The following C19orf67 variants were observed in gnomAD, a reference collection of about 807,000 sequenced individuals.
The protein encoded by C19orf67 is chromosome 19 open reading frame 67, also known as UPF0575 protein C19orf67.
Under a neutral mutation model 41.4 loss-of-function variants are expected in C19orf67, and 28 were observed. That is an observed-to-expected ratio of 0.68 (90% CI 0.50 to 0.93). C19orf67 has a LOEUF of 0.93. Among genes scored for constraint, C19orf67 ranks in the 40% least tolerant of loss-of-function variants. C19orf67 has a pLI of 0.00. For synonymous variants in C19orf67, 242 were observed against 203.4 expected, an observed-to-expected ratio of 1.19 and a Z score of -1.62; for missense variants, 421 against 467.0, an observed-to-expected ratio of 0.90 and a Z score of 0.91.
intron 5 of C19orf67, 113 bp from the exon 6 acceptor site, chr19:14,082,121 G>A: frequency 1.0e-6 from 1 of 1,000,644 alleles, no homozygotes; most frequent in African/African-American, 1.7e-5. Context: ...TTTCAGCTGC[G>A]GGTGGGAAAA....
At chr19:14,083,124 A>G in intron 4 of C19orf67, 113 bp downstream of exon 4, 3 of 865,910 alleles carry the variant, frequency 3.5e-6, no homozygotes. Context: ...TACAGGCGTG[A>G]GCCACTGCCT....
At position 14,085,301 on chromosome 19, in the gene C19orf67, C is replaced by T. The variant is rs1271946843; in HGVS notation, c.327G>A (p.Leu109=). ...ACCCTGTCCAGCATCACCTGTAGAG[C>T]AAGTAGCTCTGGAAATCATCTGCCT... ...LKKADDFQSY[L]LYSRDQVQKE... is the part of the protein sequence containing the mutation. The change falls in exon 1 of 6, where the codon TTG becomes TTA. Residue 109 remains leucine, a synonymous_variant. Coordinates refer to ENST00000548523, the MANE Select transcript of C19orf67 (RefSeq NM_001277378.2). 1 of 1,536,088 alleles carries T rather than the reference C, an allele frequency of 6.5e-7. No individual in the cohort carries two copies. Among genetic ancestry groups the T allele is most frequent in the Non-Finnish European group, 8.7e-7 (1 of 1,146,916 alleles).
chr19:14,082,214 C>T (rs1226953444), intron 5 of C19orf67, among the ~76,000 whole-genome samples: 1 of 152,168 alleles, frequency 6.6e-6, no homozygotes, highest in African/African-American at 2.4e-5. Flanking sequence ...CTGACCTGTC[C>T]ATTCGCTCTG....
chr19:14,083,414 C>A lies in C19orf67; in HGVS notation c.590G>T (p.Cys197Phe). 6.5e-7 allele frequency: 1 copy of A among 1,530,872 alleles called. No individual in the cohort carries two copies. The highest frequency in any genetic ancestry group is 1.2e-5 in the South Asian group (1 of 83,828). The allele number at this position is 1,530,872 out of a possible 1,614,324, so 94.8% of individuals were successfully genotyped here. Residue 197 changes from cysteine (C) to phenylalanine (F), a missense_variant, in exon 4 of 6, where the codon TGT becomes TTT. Around this residue, in one of 3 missense-constraint regions of C19orf67, gnomAD observed 253 missense variants for 307.0 expected, o/e 0.82. Transcript: ENST00000548523. ...GATGGAGAACCTCCCGCAAAAGAAA[C>A]AGGAGATGCTGGCGAGACATGAGAG... ...LEEMNPLSISCFFCGRFSISL... is the reference protein window; with the variant it reads ...LEEMNPLSISFFFCGRFSISL...
chr19:14,084,581 C>G (rs541984200), intron 1 of C19orf67, among the ~76,000 whole-genome samples: 1 of 151,524 alleles, frequency 6.6e-6, no homozygotes, highest in Non-Finnish European at 1.5e-5. Context: ...GTCTGTAATT[C>G]CAGCACTTTG....
chr19:14,083,651 A>G, intron 2 of C19orf67, 46 bp from the exon 3 acceptor site: 1 of 1,526,324 alleles, frequency 6.6e-7, no homozygotes. Context: ...GCCTGCGAGG[A>G]GTGGGCCTCC....
At position 14,085,539 on chromosome 19, in the gene C19orf67, G is replaced by A. The variant is rs1304328959; in HGVS notation, c.89C>T (p.Pro30Leu). ...CGTCGACCTGGAGGGGTCTCCGCAG[G>A]GCGGCGTCCCAGGTTCCAAGGCGTC... is the stretch of plus-strand genomic sequence containing the variant. ...PPDALEPGTP[P>L]CGDPSRSTPP... Residue 30 changes from proline to leucine, a missense_variant, in exon 1 of 6, where the codon CCC becomes CTC. This residue lies in a region of C19orf67 where 160 missense variants were observed against 139.2 expected (regional missense o/e 1.15). Transcript: ENST00000548523. The A allele has an allele frequency of 6.5e-7, 1 of 1,535,362 alleles. No homozygotes were observed. The highest frequency in any genetic ancestry group is 1.2e-5 in the South Asian group (1 of 84,054).
chr19:14,084,215 T>C (rs115597493), intron 1 of C19orf67, among the ~76,000 whole-genome samples: 1,791 of 151,640 alleles, frequency 0.012, 26 homozygotes, highest in African/African-American at 0.041. Flanking sequence ...CTAGGCAACA[T>C]AGCAAGAACC....
Position 14,082,539 on chromosome 19 carries a change from G to C in C19orf67, c.832C>G (p.Gln278Glu). The C allele has an allele frequency of 6.5e-7, 1 of 1,536,382 alleles. No homozygotes were observed. ...TGQSPANSCPQIQKLWSIGRW... is the reference protein window; with the variant it reads ...TGQSPANSCPEIQKLWSIGRW... Reference sequence around the variant, plus strand: ...CCGATGGACCACAGCTTCTGGATCTGTGGGCACGAATTGGCTGGACTCTGG... The same window carrying C: ...CCGATGGACCACAGCTTCTGGATCTCTGGGCACGAATTGGCTGGACTCTGG... Residue 278 changes from glutamine (Q) to glutamate (E), a missense_variant, in exon 5 of 6, where the codon CAG (glutamine) becomes GAG (glutamate). Transcript: ENST00000548523.
At chr19:14,084,393 A>T (rs1470835269) in intron 1 of C19orf67, among the ~76,000 whole-genome samples, 3 of 128,204 alleles carry the variant, frequency 2.3e-5, no homozygotes, top group African/African-American at 3.8e-5. Flanking sequence ...CTGTCTCATT[A>T]AAAAAAAAAA....
Position 14,085,512 on chromosome 19 carries a change from G to A in C19orf67, c.116C>T (p.Pro39Leu), listed in dbSNP as rs1201829790. 2 of 1,535,218 alleles carry A rather than the reference G, an allele frequency of 1.3e-6. No individual in the cohort carries two copies. Among genetic ancestry groups the A allele is most frequent in the Admixed American group, 3.9e-5 (2 of 50,946 alleles). The change falls in exon 1 of 6, where the codon CCC (proline) becomes CTC (leucine). Residue 39 changes from proline (P) to leucine (L), a missense_variant. By Grantham distance (98) the Pro-to-Leu change is moderately conservative. Coordinates refer to ENST00000548523, the MANE Select transcript of C19orf67 (RefSeq NM_001277378.2). ...AGATGGGTTCCCAGGCCTGCCAGGG[G>A]GCGTCGACCTGGAGGGGTCTCCGCA... ...PPCGDPSRST[P>L]PGRPGNPSEP...
chr19:14,082,136 C>T (rs1976777511), intron 5 of C19orf67, 128 bp from the exon 6 acceptor site: 4 of 817,734 alleles, frequency 4.9e-6, no homozygotes, highest in Non-Finnish European at 7.3e-6. Context: ...GGAAAAACCC[C>T]CGGGGGAAAC....
intron 2 of C19orf67, 44 bp downstream of exon 2, chr19:14,083,689 C>A: frequency 6.6e-7 from 1 of 1,505,956 alleles, no homozygotes; most frequent in Non-Finnish European, 8.9e-7. Context: ...AGGCTCAGAG[C>A]TGCGAGAAGA....
chr19:14,082,098 G>A, intron 5 of C19orf67, 90 bp from the exon 6 acceptor site: 1 of 1,151,854 alleles, frequency 8.7e-7, no homozygotes, highest in Admixed American at 3.1e-5. Flanking sequence ...AGGCTCAGGT[G>A]AAAGAGGCTT....
chr19:14,083,235 A>G lies in C19orf67; in HGVS notation c.767+2T>C. 2 of 1,535,828 alleles carry G rather than the reference A, an allele frequency of 1.3e-6. No homozygotes were observed. Among genetic ancestry groups the G allele is most frequent in the Non-Finnish European group, 1.7e-6 (2 of 1,146,708 alleles). On this transcript the variant is annotated splice_donor_variant, in intron 4 of 5. Transcript: ENST00000548523. LOFTEE classifies it high-confidence loss of function. ...GACTTTGATTTGGGTAAGAGGACTT[A>G]CTAATCCACAAGGGAATCTTGTCCC...
chr19:14,085,476 G>A lies in C19orf67; in HGVS notation c.152C>T (p.Pro51Leu). ...AGCCAGCCGCCCCTCGGCATCTTCA[G>A]GATCCGGCTCAGATGGGTTCCCAGG... ...GRPGNPSEPD[P>L]EDAEGRLAEA... is the part of the protein sequence containing the mutation. Residue 51 changes from proline (P) to leucine (L), a missense_variant, in exon 1 of 6, where the codon CCT becomes CTT. Around this residue, in one of 3 missense-constraint regions of C19orf67, gnomAD observed 160 missense variants for 139.2 expected, o/e 1.15. Coordinates refer to ENST00000548523, the MANE Select transcript of C19orf67 (RefSeq NM_001277378.2). 3 of 1,535,488 alleles carry A rather than the reference G, an allele frequency of 2.0e-6. No homozygotes were observed. The highest frequency in any genetic ancestry group is 2.6e-6 in the Non-Finnish European group (3 of 1,146,774).
chr19:14,081,684 C>T lies in C19orf67; in HGVS notation c.*150G>A, dbSNP rs1976769313. Reference sequence around the variant, plus strand: ...GTGTCCGCATTCAGGGCCCCACGGCCAAGCCGGACTCGGTGCAGACAGGTC... The same window carrying T: ...GTGTCCGCATTCAGGGCCCCACGGCTAAGCCGGACTCGGTGCAGACAGGTC... On this transcript the variant is annotated 3_prime_UTR_variant, in exon 6 of 6. Coordinates refer to ENST00000548523, the MANE Select transcript of C19orf67 (RefSeq NM_001277378.2). 1.7e-6 allele frequency: 1 copy of T among 588,432 alleles called. No homozygotes were observed. The highest frequency in any genetic ancestry group is 2.7e-6 in the Non-Finnish European group (1 of 369,784). The allele number at this position is 588,432 out of a possible 1,614,324, so 36.5% of individuals were successfully genotyped here.
rs1158529045 is a variant in C19orf67, at chr19:14,085,491, G to A, written c.137C>T (p.Pro46Leu). 1 of 1,535,352 alleles carries A rather than the reference G, an allele frequency of 6.5e-7. No individual in the cohort carries two copies. The highest frequency in any genetic ancestry group is 1.4e-5 in the African/African-American group (1 of 73,034). ...GGCATCTTCAGGATCCGGCTCAGATGGGTTCCCAGGCCTGCCAGGGGGCGT... is the reference window on the plus strand; with the variant it reads ...GGCATCTTCAGGATCCGGCTCAGATAGGTTCCCAGGCCTGCCAGGGGGCGT... ...RSTPPGRPGN[P>L]SEPDPEDAEG... The change falls in exon 1 of 6, where the codon CCA becomes CTA. Residue 46 changes from proline to leucine, a missense_variant. Transcript: ENST00000548523.
chr19:14,083,094 G>A (rs1976793955), intron 4 of C19orf67, 143 bp downstream of exon 4: 1 of 691,542 alleles, frequency 1.4e-6, no homozygotes, highest in East Asian at 2.7e-5. Flanking sequence ...TCCTGCCTCG[G>A]CCTCCCAAAG....
Sources: gnomAD v4.1 joint callset for allele counts (sites outside exome capture counted in the v4.1 genomes callset) on GRCh38, gnomAD v4.1.1 for gene constraint, gnomAD v4.1.1 regional missense constraint, MANE v1.5 for transcripts, NCBI Gene and HGNC (gene_info 2026-07-23, HGNC 2026-07-21) for gene names.